Variants in ADCY2 observed in about 807,000 individuals in gnomAD.
ADCY2 encodes the protein adenylate cyclase type 2.
Under a neutral mutation model 125.2 loss-of-function variants are expected in ADCY2, and 31 were observed. That is an observed-to-expected ratio of 0.25 (90% CI 0.19 to 0.33). The LOEUF is 0.33. Among genes scored for constraint, ADCY2 ranks in the 10% least tolerant of loss-of-function variants. ADCY2 has a pLI of 1.00. For missense variants in ADCY2, 904 were observed against 1,418.2 expected, an observed-to-expected ratio of 0.64 and a Z score of 5.82; for synonymous variants, 512 against 548.4, an observed-to-expected ratio of 0.93 and a Z score of 0.93.
chr5:7,759,999 G>A (rs1016030549), intron 16 of ADCY2, among the ~76,000 whole-genome samples: 1 of 152,198 alleles, frequency 6.6e-6, no homozygotes, highest in Non-Finnish European at 1.5e-5. Flanking sequence ...CTCAAGATGA[G>A]AGATTTAAGA....
At chr5:7,508,677 G>A (rs1290962533) in intron 2 of ADCY2, among the ~76,000 whole-genome samples, 1 of 152,154 alleles carries the variant, frequency 6.6e-6, no homozygotes, top group Non-Finnish European at 1.5e-5. Flanking sequence ...CAGGTGGGTG[G>A]GGAGCACACT....
At chr5:7,507,890 T>C (rs1743899771) in intron 2 of ADCY2, among the ~76,000 whole-genome samples, 1 of 152,168 alleles carries the variant, frequency 6.6e-6, no homozygotes, top group African/African-American at 2.4e-5. Flanking sequence ...GGCGACTACT[T>C]AACCCCTCAG....
chr5:7,760,930 C>T (rs776941650), intron 16 of ADCY2, among the ~76,000 whole-genome samples: 4 of 152,144 alleles, frequency 2.6e-5, no homozygotes, highest in Non-Finnish European at 5.9e-5. Flanking sequence ...CACCTGGTAA[C>T]CACCATTCTA....
At chr5:7,648,523 A>G (rs1738976467) in intron 4 of ADCY2, among the ~76,000 whole-genome samples, 1 of 152,172 alleles carries the variant, frequency 6.6e-6, no homozygotes, top group African/African-American at 2.4e-5. Context: ...AGTAATAAGC[A>G]CTCACTGCAA....
rs140442948 is a variant in ADCY2, at chr5:7,484,861, T to G, written c.409-35877T>G. ...TTCTTACATGTTAAAATTCAGCACT[T>G]CAGACCCGATTTCCCATAAACTGCC... On this transcript the variant is annotated intron_variant, in intron 2 of 24. Coordinates refer to ENST00000338316, the MANE Select transcript of ADCY2 (RefSeq NM_020546.3). Among the ~76,000 whole-genome samples the G allele has an allele frequency of 1.6e-3, 244 of 152,272 alleles. 2 individuals are homozygous for G. The highest frequency in any genetic ancestry group is 5.6e-3 in the African/African-American group (234 of 41,550).
chr5:7,492,423 G>C (rs575680694), intron 2 of ADCY2, among the ~76,000 whole-genome samples: 114 of 152,324 alleles, frequency 7.5e-4, no homozygotes, highest in African/African-American at 2.5e-3. Context: ...GGGGAAGTTA[G>C]ATTGCAGGAC....
At chr5:7,533,751 T>C (rs1375937417) in intron 3 of ADCY2, among the ~76,000 whole-genome samples, 3 of 152,240 alleles carry the variant, frequency 2.0e-5, no homozygotes. Flanking sequence ...TTTCTGTTTT[T>C]ATTATTAATT....
intron 4 of ADCY2, among the ~76,000 whole-genome samples, chr5:7,664,212 C>T (rs1739634087): frequency 6.6e-6 from 1 of 152,032 alleles, no homozygotes; most frequent in African/African-American, 2.4e-5. Flanking sequence ...AAGATGGGAC[C>T]AAATAGCCTA....
intron 15 of ADCY2, among the ~76,000 whole-genome samples, chr5:7,752,023 G>A (rs1742842802): frequency 6.6e-6 from 1 of 152,192 alleles, no homozygotes; most frequent in Admixed American, 6.5e-5. Context: ...TATGGTCACT[G>A]TCCTCAACCA....
At position 7,712,852 on chromosome 5, in the gene ADCY2, A is replaced by G. The variant is rs1372204138; in HGVS notation, c.1579-4A>G. 1.2e-6 allele frequency: 2 copies of G among 1,601,624 alleles called. No individual in the cohort carries two copies. Among genetic ancestry groups the G allele is most frequent in the East Asian group, 4.5e-5 (2 of 44,764 alleles). Reference sequence around the variant, plus strand: ...ACAATTAATAACCTTTTTTCTCAATATAGGATGTACCCATGGGTCAGCATA... The same window carrying G: ...ACAATTAATAACCTTTTTTCTCAATGTAGGATGTACCCATGGGTCAGCATA... On this transcript the variant is annotated splice_polypyrimidine_tract_variant and splice_region_variant and intron_variant, in intron 10 of 24. Coordinates refer to ENST00000338316, the MANE Select transcript of ADCY2 (RefSeq NM_020546.3).
intron 14 of ADCY2, among the ~76,000 whole-genome samples, chr5:7,731,545 G>A (rs958652844): frequency 4.7e-5 from 7 of 148,816 alleles, no homozygotes; most frequent in Non-Finnish European, 6.0e-5. Context: ...ATGAGCCACC[G>A]CACCTGGCCT....
intron 3 of ADCY2, among the ~76,000 whole-genome samples, chr5:7,549,877 C>CT (rs1176952862): frequency 6.6e-6 from 1 of 152,154 alleles, no homozygotes; most frequent in African/African-American, 2.4e-5. Context: ...ATAGACTAAA[C>CT]TTTCTGTCAG....
rs201136951 is a variant in ADCY2 at position 7,724,501 on chromosome 5, T to C, written c.1704-44T>C. The C allele has an allele frequency of 5.6e-6, 8 of 1,435,962 alleles. No homozygotes were observed. In the African/African-American group the frequency reaches 7.0e-5, roughly 13 times the overall value. 89.0% of individuals were successfully genotyped at this position (1,435,962 alleles called of 1,614,324 possible). A position where few individuals can be genotyped will look rare whatever the true frequency, so the allele number is the denominator to read the frequency against. On this transcript the variant is annotated intron_variant, in intron 12 of 24. Transcript: ENST00000338316. ...TTAAAAAATAGTTCCAGATGTTTGA[T>C]TGGAGATTCAGTTTTATGATGTGTT...
At chr5:7,422,918 G>C (rs1024860095) in intron 2 of ADCY2, among the ~76,000 whole-genome samples, 2 of 152,130 alleles carry the variant, frequency 1.3e-5, no homozygotes, top group Admixed American at 6.5e-5. Context: ...TGCGACCAAA[G>C]AATGTATTTA....
intron 3 of ADCY2, among the ~76,000 whole-genome samples, chr5:7,592,650 A>G (rs944032246): frequency 1.3e-5 from 2 of 152,232 alleles, no homozygotes; most frequent in African/African-American, 4.8e-5. Context: ...TGTAATGATA[A>G]CATACTGTGA....
chr5:7,512,240 AG>A (rs968760441), intron 2 of ADCY2, among the ~76,000 whole-genome samples: 3 of 150,900 alleles, frequency 2.0e-5, no homozygotes, highest in Admixed American at 6.6e-5. Context: ...AAAAAAAAAA[AG>A]AAAACCATCA....
At chr5:7,660,752 A>G (rs1379965328) in intron 4 of ADCY2, among the ~76,000 whole-genome samples, 1 of 151,122 alleles carries the variant, frequency 6.6e-6, no homozygotes, top group Non-Finnish European at 1.5e-5. Flanking sequence ...TGCTTTACTT[A>G]ATCTGTCAAC....
At chr5:7,811,272 G>A (rs1327254888) in intron 22 of ADCY2, among the ~76,000 whole-genome samples, 2 of 152,144 alleles carry the variant, frequency 1.3e-5, no homozygotes. Flanking sequence ...AGGGGCCAAG[G>A]CGGGTGGATC....
intron 3 of ADCY2, among the ~76,000 whole-genome samples, chr5:7,539,888 T>C (rs781484973): frequency 5.3e-5 from 8 of 152,220 alleles, no homozygotes; most frequent in Admixed American, 3.9e-4. Context: ...ATTTCCACTT[T>C]CAGGAGAATA....
Sources: allele counts gnomAD v4.1 joint callset (sites outside exome capture counted in the v4.1 genomes callset), GRCh38; gene constraint gnomAD v4.1.1; transcripts MANE v1.5; gene names NCBI Gene and HGNC (gene_info 2026-07-23, HGNC 2026-07-21).